RBMS3: variants seen among roughly 807,000 people sequenced by gnomAD.
The protein encoded by RBMS3 is RNA-binding motif, single-stranded-interacting protein 3.
A neutral mutation model predicts 66.8 loss-of-function variants in RBMS3; 27 were observed. The observed-to-expected ratio is 0.40, with a 90% CI of 0.30 to 0.56. The LOEUF is 0.56. Among genes scored for constraint, RBMS3 ranks in the 20% least tolerant of loss-of-function variants. RBMS3 has a pLI of 0.40. For missense variants in RBMS3, 513 were observed against 549.5 expected (o/e 0.93, Z 0.66); for synonymous variants, 188 against 183.0 (o/e 1.03, Z -0.22).
chr3:29,753,122 C>T (rs573620852), intron 5 of RBMS3, among the ~76,000 whole-genome samples: 1 of 152,284 alleles, frequency 6.6e-6, no homozygotes, highest in East Asian at 1.9e-4. Flanking sequence ...GTATTTTCAA[C>T]TTAGCTTATG....
chr3:29,895,976 C>T lies in RBMS3; in HGVS notation c.792-1403C>T, dbSNP rs148909032. 8.1e-3 allele frequency among the ~76,000 whole-genome samples: 1,223 copies of T among 150,810 alleles called. 20 individuals are homozygous for T. Among genetic ancestry groups the T allele is most frequent in the African/African-American group, 0.028 (1,169 of 41,230 alleles). The stretch of plus-strand genomic sequence containing the variant: ...TGTATAGTCAGTGGCTTCTTTTAAA[C>T]GTCACAACTATAAATTTAAGGGTCT... On this transcript the variant is annotated intron_variant, in intron 8 of 14. Coordinates refer to ENST00000383767, the MANE Select transcript of RBMS3 (RefSeq NM_001003793.3).
rs116400738 is a variant in RBMS3 at position 29,965,854 on chromosome 3, A to T, written c.1098+21600A>T. On this transcript the variant is annotated intron_variant, in intron 12 of 14. Coordinates refer to ENST00000383767, the MANE Select transcript of RBMS3 (RefSeq NM_001003793.3). ...CCAATATTCTTCCAGAATTTTTATA[A>T]TTTCAGGTCTTAGGTTTAAGTGCTT... Among the ~76,000 whole-genome samples the T allele has an allele frequency of 2.3e-3, 347 of 152,190 alleles. 2 individuals carry two copies. The highest frequency in any genetic ancestry group is 7.8e-3 in the African/African-American group (325 of 41,536).
At chr3:29,739,965 T>C (rs1484206150) in intron 5 of RBMS3, 88 bp downstream of exon 5, 21 of 930,436 alleles carry the variant, frequency 2.3e-5, no homozygotes, top group Non-Finnish European at 2.7e-5. Flanking sequence ...CCCAAAGCAA[T>C]AGAATATGCA....
chr3:29,814,263 G>T (rs905502027), intron 6 of RBMS3, among the ~76,000 whole-genome samples: 78 of 152,172 alleles, frequency 5.1e-4, no homozygotes, highest in African/African-American at 1.4e-3. Flanking sequence ...CTTTGGTTCT[G>T]TTTATATGCT....
intron 4 of RBMS3, among the ~76,000 whole-genome samples, chr3:29,602,405 C>T (rs1487807711): frequency 2.6e-5 from 4 of 152,020 alleles, no homozygotes; most frequent in African/African-American, 9.7e-5. Context: ...GTAACTTGTG[C>T]ATATGGTAAA....
intron 14 of RBMS3, among the ~76,000 whole-genome samples, chr3:29,997,394 G>A (rs1699316158): frequency 6.7e-6 from 1 of 149,306 alleles, no homozygotes; most frequent in African/African-American, 2.5e-5. Context: ...CAGAAAAAGA[G>A]GGAATCCTCC....
chr3:29,864,917 A>T (rs1187518108), intron 6 of RBMS3, among the ~76,000 whole-genome samples: 2 of 118,100 alleles, frequency 1.7e-5, no homozygotes, highest in Non-Finnish European at 3.5e-5. Flanking sequence ...AGAGAGAGAG[A>T]GGAAGGAAGG....
At chr3:29,362,901 T>C (rs185791454) in intron 1 of RBMS3, among the ~76,000 whole-genome samples, 38 of 152,358 alleles carry the variant, frequency 2.5e-4, no homozygotes, top group African/African-American at 9.1e-4. Flanking sequence ...TTTGGGATAT[T>C]ATTCCAACAT....
chr3:29,319,222 C>T (rs1056013885), intron 1 of RBMS3, among the ~76,000 whole-genome samples: 7 of 151,964 alleles, frequency 4.6e-5, no homozygotes, highest in African/African-American at 1.7e-4. Flanking sequence ...CAGCACCATG[C>T]CAATTCCGTG....
Position 30,004,128 on chromosome 3 carries a change from A to G in RBMS3, c.*266A>G, listed in dbSNP as rs555264415. On this transcript the variant is annotated 3_prime_UTR_variant, in exon 15 of 15. Coordinates refer to ENST00000383767, the MANE Select transcript of RBMS3 (RefSeq NM_001003793.3). ...TCCAGAAGAGGAAAAAAAAACTACA[A>G]AAAACAAAACATTGAAGGTTGATAT... is the stretch of plus-strand genomic sequence containing the variant. 5.1e-5 allele frequency: 16 copies of G among 311,640 alleles called. No individual in the cohort carries two copies. The highest frequency in any genetic ancestry group is 8.7e-5 in the Non-Finnish European group (15 of 171,768). The allele number at this position is 311,640 out of a possible 1,614,324, so 19.3% of individuals were successfully genotyped here.
intron 2 of RBMS3, among the ~76,000 whole-genome samples, chr3:29,448,224 A>C (rs2041900107): frequency 6.6e-6 from 1 of 152,242 alleles, no homozygotes; most frequent in South Asian, 2.1e-4. Context: ...GAAAAAGGCC[A>C]TAAGCAGTTC....
intron 3 of RBMS3, among the ~76,000 whole-genome samples, chr3:29,569,439 T>A (rs1047698663): frequency 2.0e-5 from 3 of 152,052 alleles, no homozygotes; most frequent in Non-Finnish European, 2.9e-5. Flanking sequence ...GAAAAAAAAA[T>A]TCCACTTTCA....
At chr3:29,729,735 C>T (rs2054048547) in intron 4 of RBMS3, among the ~76,000 whole-genome samples, 1 of 151,928 alleles carries the variant, frequency 6.6e-6, no homozygotes, top group African/African-American at 2.4e-5. Context: ...TCTCTGATGA[C>T]TAATAATGAT....
intron 12 of RBMS3, among the ~76,000 whole-genome samples, chr3:29,970,697 T>C (rs1697171485): frequency 1.3e-5 from 2 of 152,196 alleles, no homozygotes; most frequent in Admixed American, 1.3e-4. Flanking sequence ...GTATTTGAGT[T>C]TTCAAGGGCA....
chr3:29,424,580 A>G (rs765369809), intron 1 of RBMS3, among the ~76,000 whole-genome samples: 2 of 152,170 alleles, frequency 1.3e-5, no homozygotes, highest in Non-Finnish European at 2.9e-5. Context: ...TGTATATGCT[A>G]TTTGCACTAT....
chr3:29,432,738 G>T (rs1347194717), intron 1 of RBMS3, among the ~76,000 whole-genome samples: 1 of 152,148 alleles, frequency 6.6e-6, no homozygotes, highest in East Asian at 1.9e-4. Flanking sequence ...AGCTGTGAAG[G>T]AAAATACCAG....
At chr3:29,588,368 TA>T (rs949515350) in intron 4 of RBMS3, among the ~76,000 whole-genome samples, 11 of 152,214 alleles carry the variant, frequency 7.2e-5, no homozygotes, top group African/African-American at 2.6e-4. Flanking sequence ...AGTATTCCCA[TA>T]AGAGTTGAGT....
chr3:29,472,472 C>T (rs1360697425), intron 2 of RBMS3, among the ~76,000 whole-genome samples: 2 of 152,082 alleles, frequency 1.3e-5, no homozygotes, highest in Non-Finnish European at 2.9e-5. Context: ...CTAGTGTGTC[C>T]GGAATTGGTG....
At chr3:29,560,278 C>T (rs1202241120) in intron 3 of RBMS3, among the ~76,000 whole-genome samples, 2 of 152,108 alleles carry the variant, frequency 1.3e-5, no homozygotes, top group Non-Finnish European at 2.9e-5. Context: ...TTTTCTCTGC[C>T]AAAAAATTTC....
Sources: gnomAD v4.1 joint callset for allele counts (sites outside exome capture counted in the v4.1 genomes callset) on GRCh38, gnomAD v4.1.1 for gene constraint, MANE v1.5 for transcripts, NCBI Gene and HGNC (gene_info 2026-07-23, HGNC 2026-07-21) for gene names.